Variants in ZAP70 observed in about 807,000 individuals in gnomAD.
ZAP70 encodes the protein tyrosine-protein kinase ZAP-70.
A neutral mutation model predicts 65.8 loss-of-function variants in ZAP70; 27 were observed. The ratio of observed to expected loss-of-function variants is 0.41; its 90% CI spans 0.30 to 0.57. The LOEUF is 0.57. Among genes scored for constraint, ZAP70 ranks in the 20% least tolerant of loss-of-function variants. The pLI is 0.28. For synonymous variants in ZAP70, 363 were observed against 360.8 expected, an observed-to-expected ratio of 1.01 and a Z score of -0.07; for missense variants, 696 against 870.5, an observed-to-expected ratio of 0.80 and a Z score of 2.52.
chr2:97,722,984 A>G (rs1264607704), intron 2 of ZAP70, among the ~76,000 whole-genome samples: 1 of 152,188 alleles, frequency 6.6e-6, no homozygotes, highest in Non-Finnish European at 1.5e-5. Context: ...TTAAGTGTAC[A>G]TTCTCTTAGT....
rs776066014 is a variant in ZAP70 at position 97,735,291 on chromosome 2, C to G, written c.1124C>G (p.Thr375Arg). Residue 375 changes from threonine (T) to arginine (R), a missense_variant, in exon 10 of 14, where the codon ACG becomes AGG. Thr to Arg is a moderately conservative substitution (Grantham distance 71). Transcript: ENST00000264972. The stretch of plus-strand genomic sequence containing the variant: ...GCCATCAAGGTGCTGAAGCAGGGCA[C>G]GGAGAAGGCAGACACGGAAGAGATG... Reference protein sequence around the residue: ...DVAIKVLKQGTEKADTEEMMR... With the variant: ...DVAIKVLKQGREKADTEEMMR... The G allele has an allele frequency of 2.5e-6, 4 of 1,613,952 alleles. No homozygotes were observed. Among genetic ancestry groups the G allele is most frequent in the Non-Finnish European group, 3.4e-6 (4 of 1,179,978 alleles).
the ZAP70 span, among the ~76,000 whole-genome samples, chr2:97,755,683 G>A: frequency 8.3e-4 from 127 of 152,288 alleles, no homozygotes; most frequent in African/African-American, 2.9e-3. Flanking sequence ...GTGGCCCCCA[G>A]AGCCCTCCCC....
chr2:97,724,470 AGGG>A, intron 3 of ZAP70, 32 bp downstream of exon 3: 1 of 1,517,316 alleles, frequency 6.6e-7, no homozygotes, highest in Non-Finnish European at 8.8e-7. Context: ...CGGGGTCTGG[AGGG>A]GCGTGGCCGA....
the ZAP70 span, among the ~76,000 whole-genome samples, chr2:97,754,139 T>C: frequency 6.6e-6 from 1 of 152,212 alleles, no homozygotes; most frequent in African/African-American, 2.4e-5. Context: ...ATCTTCAGAT[T>C]TGGTGGGTAT....
intron 2 of ZAP70, among the ~76,000 whole-genome samples, chr2:97,721,414 T>C (rs1677148727): frequency 6.6e-6 from 1 of 152,028 alleles, no homozygotes; most frequent in South Asian, 2.1e-4. Context: ...AAGTGTCTTT[T>C]TCATGTTCTT....
the ZAP70 span, among the ~76,000 whole-genome samples, chr2:97,749,575 ATTAAG>A: frequency 6.6e-6 from 1 of 152,184 alleles, no homozygotes; most frequent in East Asian, 1.9e-4. Flanking sequence ...CGGCAAAGGA[ATTAAG>A]TTACAGAAGG....
chr2:97,726,026 G>GC (rs1394044007), intron 4 of ZAP70, among the ~76,000 whole-genome samples: 3 of 152,054 alleles, frequency 2.0e-5, no homozygotes, highest in Non-Finnish European at 4.4e-5. Context: ...TGTTGAAGCA[G>GC]CCCCCTCTAA....
rs1008189958 is a variant in ZAP70 at position 97,733,653 on chromosome 2, C to T, written c.889+58C>T. ...GCTCATGCTGAGCCGAGATCAGGGTCGCTGTCAGGGCTGTGGGGTTTCACG... is the reference window on the plus strand; with the variant it reads ...GCTCATGCTGAGCCGAGATCAGGGTTGCTGTCAGGGCTGTGGGGTTTCACG... On this transcript the variant is annotated intron_variant, in intron 8 of 13. Coordinates refer to ENST00000264972, the MANE Select transcript of ZAP70 (RefSeq NM_001079.4). The T allele has an allele frequency of 8.1e-6, 13 of 1,608,096 alleles. No homozygotes were observed. The South Asian group carries it at 9.9e-5, about 12-fold the overall frequency.
chr2:97,722,676 G>A (rs1677207855), intron 2 of ZAP70, among the ~76,000 whole-genome samples: 1 of 152,190 alleles, frequency 6.6e-6, no homozygotes, highest in East Asian at 1.9e-4. Context: ...ACCTAACTCT[G>A]TATTTCCCCT....
Position 97,723,632 on chromosome 2 carries a change from T to C in ZAP70, c.-21-384T>C, listed in dbSNP as rs184647250. ...TCACGGCTCTCCCTCCTTAGAGTGT[T>C]GCCTTCGGGAGGACGGGGTGGGACC... On this transcript the variant is annotated intron_variant, in intron 2 of 13. Coordinates refer to ENST00000264972, the MANE Select transcript of ZAP70 (RefSeq NM_001079.4). 6.8e-3 allele frequency among the ~76,000 whole-genome samples: 1,029 copies of C among 152,366 alleles called. 6 individuals carry two copies. Among genetic ancestry groups the C allele is most frequent in the Non-Finnish European group, 0.011 (749 of 68,028 alleles).
In ZAP70 at chr2:97,716,365, G is replaced by T. The variant is rs1391955338; in HGVS notation, c.-22+2371G>T. 2.0e-5 allele frequency among the ~76,000 whole-genome samples: 3 copies of T among 152,324 alleles called. No homozygotes were observed. In the East Asian group the frequency reaches 5.8e-4, roughly 29 times the overall value. ...CCTCCTCTGTGCCATGCTGGTATAG[G>T]TAGGAGAACAAGACAAAGGCTCCAC... is the stretch of plus-strand genomic sequence containing the variant. On this transcript the variant is annotated intron_variant, in intron 2 of 13. Coordinates refer to ENST00000264972, the MANE Select transcript of ZAP70 (RefSeq NM_001079.4).
chr2:97,718,061 G>A (rs1054484411), intron 2 of ZAP70, among the ~76,000 whole-genome samples: 2 of 152,212 alleles, frequency 1.3e-5, no homozygotes, highest in Non-Finnish European at 2.9e-5. Context: ...ACTGGGGTCA[G>A]CCTAGGGAGA....
the ZAP70 span, among the ~76,000 whole-genome samples, chr2:97,746,788 G>T: frequency 6.6e-6 from 1 of 152,190 alleles, no homozygotes; most frequent in South Asian, 2.1e-4. Flanking sequence ...ATTGAAAAGA[G>T]AACTCACAGA....
chr2:97,722,460 A>G (rs1170548808), intron 2 of ZAP70, among the ~76,000 whole-genome samples: 1 of 152,250 alleles, frequency 6.6e-6, no homozygotes, highest in Non-Finnish European at 1.5e-5. Context: ...CTGAAATGCT[A>G]TCTAGCATTC....
At chr2:97,741,837 A>G (rs1678138192), downstream of ZAP70, among the ~76,000 whole-genome samples, 1 of 152,206 alleles carries the variant, frequency 6.6e-6, no homozygotes, top group Non-Finnish European at 1.5e-5. Context: ...CCTATTCCAG[A>G]CGTGTGTCAT....
At chr2:97,724,841 A>G (rs1412740814) in intron 3 of ZAP70, 5 of 1,521,402 alleles carry the variant, frequency 3.3e-6, no homozygotes, top group Admixed American at 4.0e-5. Context: ...ACCATGCACA[A>G]CTACCTGAAT....
Position 97,724,294 on chromosome 2 carries a change from C to A in ZAP70, c.258C>A (p.Phe86Leu). The A allele has an allele frequency of 6.3e-7, 1 of 1,595,510 alleles. No homozygotes were observed. The highest frequency in any genetic ancestry group is 8.5e-7 in the Non-Finnish European group (1 of 1,172,934). ...AHCGPAELCE[F>L]YSRDPDGLPC... ...GTGGACCGGCAGAGCTCTGCGAGTT[C>A]TACTCGCGCGACCCCGACGGGCTGC... Residue 86 changes from phenylalanine (F) to leucine (L), a missense_variant, in exon 3 of 14, where the codon TTC becomes TTA. Phe to Leu is a conservative substitution (Grantham distance 22, BLOSUM62 0). Coordinates refer to ENST00000264972, the MANE Select transcript of ZAP70 (RefSeq NM_001079.4).
chr2:97,737,694 TGGATGGGC>T lies in ZAP70; in HGVS notation c.1482+30_1482+37del, dbSNP rs1677957701. 6.2e-7 allele frequency: 1 copy of T among 1,613,950 alleles called. No individual in the cohort carries two copies. Among genetic ancestry groups the T allele is most frequent in the Non-Finnish European group, 8.5e-7 (1 of 1,179,986 alleles). ...AGCCTCTGCCCCTGTGATGCCCGACTGGATGGGCTGGGTGGGTAGAGGGTCCCTGACCC... is the reference window on the plus strand; with the variant it reads ...AGCCTCTGCCCCTGTGATGCCCGACTTGGGTGGGTAGAGGGTCCCTGACCC... On this transcript the variant is annotated intron_variant, in intron 11 of 13. Transcript: ENST00000264972. The surrounding 1 kb of genome is among the most constrained non-coding windows in gnomAD (Gnocchi z 5.0).
chr2:97,752,970 C>T, the ZAP70 span, among the ~76,000 whole-genome samples: 31 of 152,210 alleles, frequency 2.0e-4, no homozygotes, highest in South Asian at 3.9e-3. Flanking sequence ...ATTACTAAAG[C>T]GTATTTTTTA....
Sources: gnomAD v4.1 joint callset for allele counts (sites outside exome capture counted in the v4.1 genomes callset) on GRCh38, gnomAD v4.1.1 for gene constraint, Gnocchi (gnomAD v3.1) non-coding constraint, MANE v1.5 for transcripts, NCBI Gene and HGNC (gene_info 2026-07-23, HGNC 2026-07-21) for gene names.